Variants in AIG1 observed in about 807,000 individuals in gnomAD.
AIG1 encodes androgen induced 1, also known as androgen-induced gene 1 protein.
AIG1 carries 23 observed loss-of-function variants against 31.4 expected under a neutral mutation model. The ratio of observed to expected loss-of-function variants is 0.73; its 90% CI spans 0.53 to 1.04. The LOEUF is 1.04. Ranked by LOEUF, AIG1 falls within the 50% of genes least tolerant of loss-of-function variation. The pLI is 0.00. For missense variants in AIG1, 274 were observed against 295.0 expected (o/e 0.93, Z 0.52); for synonymous variants, 100 against 110.5 (o/e 0.90, Z 0.60).
intron 1 of AIG1, among the ~76,000 whole-genome samples, chr6:143,066,381 T>A (rs1364651969): frequency 6.6e-6 from 1 of 152,092 alleles, no homozygotes; most frequent in Non-Finnish European, 1.5e-5. Flanking sequence ...CAAGAAATTC[T>A]CCTGTCTCAG....
chr6:143,165,027 T>A, intron 2 of AIG1, 55 bp from the exon 3 acceptor site: 1 of 1,321,948 alleles, frequency 7.6e-7, no homozygotes, highest in Non-Finnish European at 1.1e-6. Context: ...ACCAATAAAT[T>A]GTATGTTGTG....
Position 143,279,183 on chromosome 6 carries a change from A to T in AIG1, c.400-4927A>T, listed in dbSNP as rs1022946532. On this transcript the variant is annotated intron_variant, in intron 3 of 5. Transcript: ENST00000357847. The surrounding 1 kb of genome is among the most constrained non-coding windows in gnomAD (Gnocchi z 5.4). ...TCTGAAAGTTCATTTTTTTCTTCTG[A>T]TTCTAAAAGAAACTAAGACATTTTC... Among the ~76,000 whole-genome samples, 1 of 152,110 alleles carries T rather than the reference A, an allele frequency of 6.6e-6. No individual in the cohort carries two copies. Among genetic ancestry groups the T allele is most frequent in the Non-Finnish European group, 1.5e-5 (1 of 68,016 alleles).
At position 143,327,300 on chromosome 6, in the gene AIG1, A is replaced by T; in HGVS notation, c.516-5982A>T. ...ATGGTTCTCACAAAGAAGGATGGCAAGACAAAAAGGGCCACTCTGCCATCA... is the reference window on the plus strand; with the variant it reads ...ATGGTTCTCACAAAGAAGGATGGCATGACAAAAAGGGCCACTCTGCCATCA... On this transcript the variant is annotated intron_variant, in intron 4 of 5. Transcript: ENST00000357847. The surrounding 1 kb of genome is among the most constrained non-coding windows in gnomAD (Gnocchi z 5.3). 1 of 214,712 alleles carries T rather than the reference A, an allele frequency of 4.7e-6. No homozygotes were observed. Among genetic ancestry groups the T allele is most frequent in the Non-Finnish European group, 9.5e-6 (1 of 105,370 alleles). The allele number at this position is 214,712 out of a possible 1,614,324, so 13.3% of individuals were successfully genotyped here. A position where few individuals can be genotyped will look rare whatever the true frequency, so the allele number is the denominator to read the frequency against.
intron 3 of AIG1, among the ~76,000 whole-genome samples, chr6:143,224,462 G>A (rs1792779818): frequency 6.6e-6 from 1 of 152,184 alleles, no homozygotes; most frequent in Non-Finnish European, 1.5e-5. Flanking sequence ...CAGATCTTCA[G>A]CTTCTTCATT....
At chr6:143,079,073 C>T (rs374773982) in intron 1 of AIG1, among the ~76,000 whole-genome samples, 9 of 152,062 alleles carry the variant, frequency 5.9e-5, no homozygotes, top group African/African-American at 2.2e-4. Flanking sequence ...CACAGTGAGG[C>T]AGCAGGAGAA....
chr6:143,215,922 A>G (rs1288652106), intron 3 of AIG1, among the ~76,000 whole-genome samples: 3 of 152,166 alleles, frequency 2.0e-5, no homozygotes, highest in African/African-American at 4.8e-5. Context: ...TCATAATTCA[A>G]AAGCAGCCAC....
chr6:143,251,135 C>G (rs1794981925), intron 3 of AIG1, among the ~76,000 whole-genome samples: 1 of 152,194 alleles, frequency 6.6e-6, no homozygotes, highest in African/African-American at 2.4e-5. Flanking sequence ...TCACTGAGAC[C>G]TGTGCCTCCT....
intron 3 of AIG1, among the ~76,000 whole-genome samples, chr6:143,180,082 A>G (rs1788577772): frequency 6.6e-6 from 1 of 152,272 alleles, no homozygotes; most frequent in Non-Finnish European, 1.5e-5. Flanking sequence ...CAGATGAAAG[A>G]AAAGCACAGG....
chr6:143,079,840 A>C (rs1239447847), intron 1 of AIG1, among the ~76,000 whole-genome samples: 1 of 134,672 alleles, frequency 7.4e-6, no homozygotes, highest in Non-Finnish European at 1.5e-5. Context: ...CAGAGCTCCT[A>C]TACAATGGGA....
chr6:143,144,247 G>A (rs1583313142), intron 2 of AIG1, among the ~76,000 whole-genome samples: 1 of 152,130 alleles, frequency 6.6e-6, no homozygotes, highest in East Asian at 1.9e-4. Flanking sequence ...ACTGTTCAAA[G>A]GACAGAAGTT....
chr6:143,213,757 C>T (rs952727542), intron 3 of AIG1, among the ~76,000 whole-genome samples: 13 of 151,410 alleles, frequency 8.6e-5, no homozygotes, highest in African/African-American at 2.7e-4. Context: ...CCTCAGGTGA[C>T]CCACCTGCCT....
At chr6:143,083,226 G>A (rs1366119633) in intron 1 of AIG1, among the ~76,000 whole-genome samples, 1 of 152,234 alleles carries the variant, frequency 6.6e-6, no homozygotes, top group Non-Finnish European at 1.5e-5. Flanking sequence ...TGGGTGGCTT[G>A]ATGGCACAAG....
chr6:143,257,543 A>G lies in AIG1; in HGVS notation c.400-26567A>G, dbSNP rs373226841. Among the ~76,000 whole-genome samples the G allele has an allele frequency of 2.5e-4, 38 of 152,368 alleles. No individual in the cohort carries two copies. The South Asian group carries it at 7.5e-3, about 30-fold the overall frequency. On this transcript the variant is annotated intron_variant, in intron 3 of 5. Transcript: ENST00000357847. ...TATAGTTAAGCATTTATATTTTTACAGAAGGCTTTATGCCTGCTTTTTTTG... is the reference window on the plus strand; with the variant it reads ...TATAGTTAAGCATTTATATTTTTACGGAAGGCTTTATGCCTGCTTTTTTTG...
At chr6:143,203,161 A>T (rs564619158) in intron 3 of AIG1, among the ~76,000 whole-genome samples, 21 of 152,310 alleles carry the variant, frequency 1.4e-4, no homozygotes, top group African/African-American at 3.8e-4. Flanking sequence ...AATTCTGAAT[A>T]TGACTGCAAA....
chr6:143,222,359 A>G (rs1326564295), intron 3 of AIG1, among the ~76,000 whole-genome samples: 6 of 151,774 alleles, frequency 4.0e-5, no homozygotes, highest in Non-Finnish European at 8.8e-5. Context: ...CGGGAACGGC[A>G]GTGTGAAATG....
chr6:143,067,344 T>A (rs1776803261), intron 1 of AIG1, among the ~76,000 whole-genome samples: 1 of 152,130 alleles, frequency 6.6e-6, no homozygotes, highest in African/African-American at 2.4e-5. Context: ...AAGTTTAAGG[T>A]AATATAATCT....
chr6:143,174,024 A>G (rs1241539025), intron 3 of AIG1, among the ~76,000 whole-genome samples: 3 of 152,126 alleles, frequency 2.0e-5, no homozygotes, highest in Non-Finnish European at 4.4e-5. Flanking sequence ...TGTCTATCTC[A>G]CTTCTTAGGT....
At chr6:143,210,568 G>A (rs941915603) in intron 3 of AIG1, among the ~76,000 whole-genome samples, 13 of 152,214 alleles carry the variant, frequency 8.5e-5, no homozygotes, top group Middle Eastern at 3.2e-3. Flanking sequence ...AACCCTCTGT[G>A]TACTTGAAAG....
chr6:143,312,914 CAAA>C (rs1775416575), intron 4 of AIG1, among the ~76,000 whole-genome samples: 1 of 152,014 alleles, frequency 6.6e-6, no homozygotes, highest in South Asian at 2.1e-4. Context: ...GAATAGACCT[CAAA>C]AGAAGACATA....
Sources: gnomAD v4.1 joint callset for allele counts (sites outside exome capture counted in the v4.1 genomes callset) on GRCh38, gnomAD v4.1.1 for gene constraint, Gnocchi (gnomAD v3.1) non-coding constraint, MANE v1.5 for transcripts, NCBI Gene and HGNC (gene_info 2026-07-23, HGNC 2026-07-21) for gene names.